The following MSH3 variants were observed in gnomAD, a reference collection of about 807,000 sequenced individuals.
The protein encoded by MSH3 is mutS homolog 3.
Under a neutral mutation model 123.3 loss-of-function variants are expected in MSH3, and 106 were observed. The observed-to-expected ratio is 0.86, with a 90% confidence interval of 0.73 to 1.01. The LOEUF is 1.01. Ranked by LOEUF, MSH3 falls within the 50% of genes least tolerant of loss-of-function variation. The pLI is 0.00. For synonymous variants in MSH3, 515 were observed against 481.4 expected (o/e 1.07, Z -0.91); for missense variants, 1,459 against 1,347.6 (o/e 1.08, Z -1.29).
At chr5:80,655,502 G>A (rs1749254931) in intron 1 of MSH3, 1 of 200,484 alleles carries the variant, frequency 5.0e-6, no homozygotes, top group African/African-American at 2.3e-5. Flanking sequence ...ATACAGTTTG[G>A]GTGGATAAAG....
In MSH3 at chr5:80,768,096, A is replaced by G. The variant is rs1239649725; in HGVS notation, c.2060A>G (p.Lys687Arg). ...ELLSPVEHYL[K>R]ILNEQAAKVG... ...CTCAGTCCAGTGGAGCATTACTTAA[A>G]GATACTCAATGAACAAGCTGCCAAG... Residue 687 changes from lysine to arginine, a missense_variant, in exon 14 of 24, where the codon AAG becomes AGG. Physicochemically the swap from Lys to Arg is conservative, Grantham distance 26. Coordinates refer to ENST00000265081, the MANE Select transcript of MSH3 (RefSeq NM_002439.5). The G allele has an allele frequency of 6.2e-7, 1 of 1,613,750 alleles. No individual in the cohort carries two copies. The highest frequency in any genetic ancestry group is 1.1e-5 in the South Asian group (1 of 91,084).
chr5:80,827,129 T>C (rs1745331831), intron 20 of MSH3, among the ~76,000 whole-genome samples: 1 of 152,220 alleles, frequency 6.6e-6, no homozygotes, highest in South Asian at 2.1e-4. Context: ...TAATTAAGTT[T>C]TAGAAAAGCA....
At chr5:80,756,650 T>G (rs1453277637) in intron 12 of MSH3, among the ~76,000 whole-genome samples, 1 of 152,216 alleles carries the variant, frequency 6.6e-6, no homozygotes, top group Non-Finnish European at 1.5e-5. Context: ...AGTTATAATC[T>G]TATTACATTG....
rs115582268 is a variant in MSH3, at chr5:80,751,008, A to G, written c.1763+6393A>G. ...CATTGATAGCATATAGGGTTTAATC[A>G]TGATTGTTACCTATGTTTATTTAAT... On this transcript the variant is annotated intron_variant, in intron 12 of 23. Transcript: ENST00000265081. Among the ~76,000 whole-genome samples, 957 of 152,282 alleles carry G rather than the reference A, an allele frequency of 6.3e-3. 8 individuals carry two copies. Among genetic ancestry groups the G allele is most frequent in the African/African-American group, 0.022 (922 of 41,560 alleles).
intron 8 of MSH3, among the ~76,000 whole-genome samples, chr5:80,708,966 G>C (rs940555550): frequency 6.6e-6 from 1 of 151,910 alleles, no homozygotes; most frequent in Non-Finnish European, 1.5e-5. Flanking sequence ...GTAGAGACAG[G>C]GTTTCACCAT....
chr5:80,873,374 T>G (rs1005294410), intron 23 of MSH3, 87 bp downstream of exon 23: 5 of 1,344,588 alleles, frequency 3.7e-6, no homozygotes, highest in Non-Finnish European at 5.2e-6. Context: ...AAAATGAACA[T>G]CAGGTCTACT....
intron 20 of MSH3, among the ~76,000 whole-genome samples, chr5:80,826,142 A>G (rs939152872): frequency 2.6e-5 from 4 of 152,238 alleles, no homozygotes; most frequent in African/African-American, 7.2e-5. Flanking sequence ...TAAAAATGCT[A>G]CTTACTAAGC....
intron 8 of MSH3, among the ~76,000 whole-genome samples, chr5:80,705,218 A>T (rs764979997): frequency 1.3e-5 from 2 of 152,206 alleles, no homozygotes; most frequent in African/African-American, 2.4e-5. Flanking sequence ...AATATTCTGT[A>T]TACTAACAGT....
chr5:80,859,581 T>C (rs761905415), intron 21 of MSH3, among the ~76,000 whole-genome samples: 1 of 152,192 alleles, frequency 6.6e-6, no homozygotes, highest in Non-Finnish European at 1.5e-5. Flanking sequence ...ATTGATAGAG[T>C]TGGATTAATA....
chr5:80,741,155 A>G (rs1032067623), intron 10 of MSH3, among the ~76,000 whole-genome samples: 2 of 152,200 alleles, frequency 1.3e-5, no homozygotes, highest in African/African-American at 4.8e-5. Context: ...GGCTAATGAT[A>G]AAAGACCATG....
At chr5:80,773,276 T>C (rs1744242621) in intron 15 of MSH3, among the ~76,000 whole-genome samples, 1 of 152,238 alleles carries the variant, frequency 6.6e-6, no homozygotes, top group Non-Finnish European at 1.5e-5. Flanking sequence ...TAGAACACTC[T>C]AAAACAGCAG....
intron 8 of MSH3, among the ~76,000 whole-genome samples, chr5:80,694,109 C>T (rs1319712068): frequency 6.6e-6 from 1 of 152,150 alleles, no homozygotes; most frequent in East Asian, 1.9e-4. Flanking sequence ...CATTAGACAT[C>T]CTGGGAGGGA....
At chr5:80,685,856 T>C (rs1204648400) in intron 8 of MSH3, among the ~76,000 whole-genome samples, 3 of 152,162 alleles carry the variant, frequency 2.0e-5, no homozygotes, top group South Asian at 2.1e-4. Flanking sequence ...GTTTTCATTA[T>C]CATTTGTTTC....
At chr5:80,840,480 C>G (rs1431675535) in intron 20 of MSH3, among the ~76,000 whole-genome samples, 1 of 151,892 alleles carries the variant, frequency 6.6e-6, no homozygotes, top group Non-Finnish European at 1.5e-5. Flanking sequence ...GTGGCATAAT[C>G]TCAGCTCACT....
chr5:80,761,410 ACTAT>A (rs1172801641), intron 12 of MSH3, 132 bp from the exon 13 acceptor site: 2 of 1,043,510 alleles, frequency 1.9e-6, no homozygotes, highest in African/African-American at 3.1e-5. Flanking sequence ...TTCCCACATG[ACTAT>A]CTCAGTATGA....
intron 20 of MSH3, among the ~76,000 whole-genome samples, chr5:80,822,444 C>T (rs1286373054): frequency 6.6e-6 from 1 of 151,946 alleles, no homozygotes; most frequent in Non-Finnish European, 1.5e-5. Context: ...TTTTTTTCTT[C>T]CAGATTCTAT....
At chr5:80,728,649 C>T (rs1040982765) in intron 9 of MSH3, among the ~76,000 whole-genome samples, 1 of 151,732 alleles carries the variant, frequency 6.6e-6, no homozygotes, top group African/African-American at 2.4e-5. Flanking sequence ...TTTTCCATGC[C>T]CTGGGTATTA....
intron 8 of MSH3, among the ~76,000 whole-genome samples, chr5:80,690,732 G>A (rs1339324879): frequency 3.9e-5 from 6 of 152,200 alleles, no homozygotes; most frequent in East Asian, 1.9e-4. Context: ...ACTGAAGCAC[G>A]TAGCAATATT....
At chr5:80,745,221 C>A (rs532537348) in intron 12 of MSH3, among the ~76,000 whole-genome samples, 90 of 152,258 alleles carry the variant, frequency 5.9e-4, no homozygotes, top group African/African-American at 1.9e-3. Flanking sequence ...ATACTCATGC[C>A]TGTGTCCAGC....
Sources: gnomAD v4.1 joint callset for allele counts (sites outside exome capture counted in the v4.1 genomes callset) on GRCh38, gnomAD v4.1.1 for gene constraint, MANE v1.5 for transcripts, NCBI Gene and HGNC (gene_info 2026-07-23, HGNC 2026-07-21) for gene names.